The following SCUBE1 variants were observed in gnomAD, a reference collection of about 807,000 sequenced individuals.
SCUBE1 encodes signal peptide, CUB domain and EGF like domain containing 1.
Under a neutral mutation model 124.4 loss-of-function variants are expected in SCUBE1, and 59 were observed. The observed-to-expected ratio is 0.47, with a 90% CI of 0.38 to 0.59. The LOEUF (loss-of-function observed/expected upper bound fraction) is 0.59. Among genes scored for constraint, SCUBE1 ranks in the 20% least tolerant of loss-of-function variants. SCUBE1 has a pLI of 0.00. For synonymous variants in SCUBE1, 545 were observed against 550.9 expected (o/e 0.99, Z 0.15); for missense variants, 1,150 against 1,371.2 (o/e 0.84, Z 2.55).
intron 3 of SCUBE1, chr22:43,318,154 G>T (rs535225177): frequency 2.0e-5 from 3 of 152,296 alleles, no homozygotes; most frequent in Non-Finnish European, 4.4e-5. Flanking sequence ...ACTGATACAG[G>T]TTATTAGTAA....
intron 3 of SCUBE1, among the ~76,000 whole-genome samples, chr22:43,319,688 G>C (rs148758222): frequency 6.6e-6 from 1 of 151,994 alleles, no homozygotes; most frequent in African/African-American, 2.4e-5. Flanking sequence ...GCCTGACAGA[G>C]GAGCGGGCCC....
chr22:43,279,336 G>T (rs956555520), intron 4 of SCUBE1, among the ~76,000 whole-genome samples: 7 of 152,308 alleles, frequency 4.6e-5, no homozygotes, highest in African/African-American at 1.2e-4. Flanking sequence ...GACAGTGGCC[G>T]CCTCGGTGCA....
In SCUBE1 at chr22:43,335,979, G is replaced by T. The variant is rs529607909; in HGVS notation, c.220+3125C>A. On this transcript the variant is annotated intron_variant, in intron 2 of 21. Transcript: ENST00000360835. ...AATGATGATGGTGATGATGATGATG[G>T]TGATGATGATGATAATGATGATGGT... 5.9e-5 allele frequency among the ~76,000 whole-genome samples: 9 copies of T among 151,372 alleles called. No individual in the cohort carries two copies. The East Asian group carries it at 1.8e-3, about 29-fold the overall frequency.
intron 21 of SCUBE1, among the ~76,000 whole-genome samples, chr22:43,205,927 C>A (rs1266626074): frequency 8.0e-6 from 1 of 125,724 alleles, no homozygotes; most frequent in Non-Finnish European, 1.7e-5. Context: ...ACCACACACA[C>A]CCCTATATAC....
Position 43,251,988 on chromosome 22 carries a change from G to T in SCUBE1, c.727+6231C>A, listed in dbSNP as rs115484603. Among the ~76,000 whole-genome samples the T allele has an allele frequency of 8.3e-3, 1,271 of 152,302 alleles. 21 individuals carry two copies. Among genetic ancestry groups the T allele is most frequent in the African/African-American group, 0.03 (1,233 of 41,562 alleles). Reference sequence around the variant, plus strand: ...CAGCACCCCACGCTGGGTCCTCAGAGGTTTCATGTAAGTCTCCCAGATAAT... The same window carrying T: ...CAGCACCCCACGCTGGGTCCTCAGATGTTTCATGTAAGTCTCCCAGATAAT... On this transcript the variant is annotated intron_variant, in intron 6 of 21. Transcript: ENST00000360835.
chr22:43,299,957 T>C (rs1925705302), intron 3 of SCUBE1, among the ~76,000 whole-genome samples: 1 of 152,250 alleles, frequency 6.6e-6, no homozygotes, highest in African/African-American at 2.4e-5. Context: ...GACTCAGCAC[T>C]TCATTCCCTT....
At chr22:43,262,920 G>A in intron 4 of SCUBE1, 75 bp from the exon 5 acceptor site, 1 of 1,524,316 alleles carries the variant, frequency 6.6e-7, no homozygotes, top group South Asian at 1.1e-5. Flanking sequence ...GGCTGAAAGG[G>A]GATAGCCAAT....
chr22:43,232,656 TC>T (rs1436665707), intron 7 of SCUBE1: 1 of 152,212 alleles, frequency 6.6e-6, no homozygotes, highest in Non-Finnish European at 1.5e-5. Flanking sequence ...CCTGGCCCGA[TC>T]CCGTGTAATA....
At chr22:43,332,277 A>G (rs1174178433) in intron 2 of SCUBE1, among the ~76,000 whole-genome samples, 1 of 151,958 alleles carries the variant, frequency 6.6e-6, no homozygotes, top group Non-Finnish European at 1.5e-5. Flanking sequence ...ACAAAGCAAG[A>G]CTTCATCTCA....
chr22:43,329,507 C>G (rs892636628), intron 2 of SCUBE1, among the ~76,000 whole-genome samples: 1 of 152,278 alleles, frequency 6.6e-6, no homozygotes, highest in Non-Finnish European at 1.5e-5. Context: ...CATGGACACA[C>G]TCCCAGCTCC....
Position 43,223,151 on chromosome 22 carries a change from C to T in SCUBE1, c.1273G>A (p.Gly425Ser). The T allele has an allele frequency of 6.4e-7, 1 of 1,564,176 alleles. No individual in the cohort carries two copies. Among genetic ancestry groups the T allele is most frequent in the Non-Finnish European group, 8.6e-7 (1 of 1,164,470 alleles). ...GAAAGGAAGCAGCTCTCCACACCGC[C>T]TGCCTTGCTGCAGGACAGCTGGGCC... The part of the protein sequence containing the change: ...PRAQLSCSKA[G>S]GVESCFLSCP... The change falls in exon 11 of 22, where the codon GGC (glycine) becomes AGC (serine). Residue 425 changes from glycine to serine, a missense_variant. Around this residue, in one of 3 missense-constraint regions of SCUBE1, gnomAD observed 757 missense variants for 840.9 expected, o/e 0.90. Coordinates refer to ENST00000360835, the MANE Select transcript of SCUBE1 (RefSeq NM_173050.5).
intron 9 of SCUBE1, among the ~76,000 whole-genome samples, chr22:43,228,695 T>C (rs1013240969): frequency 2.0e-5 from 3 of 152,042 alleles, no homozygotes; most frequent in African/African-American, 4.8e-5. Context: ...GGATCCCGAA[T>C]TGCCCCTCTA....
rs1347687515 is a variant in SCUBE1, at chr22:43,227,494, C to T, written c.1087G>A (p.Val363Met). The T allele has an allele frequency of 6.2e-7, 1 of 1,611,672 alleles. No homozygotes were observed. Among genetic ancestry groups the T allele is most frequent in the Non-Finnish European group, 8.5e-7 (1 of 1,179,572 alleles). Residue 363 changes from valine (V) to methionine (M), a missense_variant and splice_region_variant, in exon 10 of 22, where the codon GTG becomes ATG. By Grantham distance (21) the Val-to-Met change is conservative (BLOSUM62 1). Transcript: ENST00000360835. ...ILYGTTHCGD[V>M]DECSMSNGSC... ...CCGTTGCTCATGCTGCACTCGTCCA[C>T]ATCTGGAAGCACAGCGGGCGTAAGG...
chr22:43,293,875 A>T (rs1025744406), intron 3 of SCUBE1, among the ~76,000 whole-genome samples: 1 of 152,202 alleles, frequency 6.6e-6, no homozygotes, highest in Non-Finnish European at 1.5e-5. Context: ...CCCTGTCACG[A>T]GGAAGCTCCC....
At chr22:43,281,534 CCTCAGTCA>C (rs1924889865) in intron 4 of SCUBE1, among the ~76,000 whole-genome samples, 2 of 75,556 alleles carry the variant, frequency 2.6e-5, no homozygotes, top group Admixed American at 1.4e-4. Flanking sequence ...CTGTCACCTC[CCTCAGTCA>C]CCCTCCTGTC....
At chr22:43,297,641 G>A (rs1465218351) in intron 3 of SCUBE1, among the ~76,000 whole-genome samples, 3 of 152,234 alleles carry the variant, frequency 2.0e-5, no homozygotes, top group Non-Finnish European at 4.4e-5. Flanking sequence ...CTTCCGAAAG[G>A]CCTCTGCAGG....
intron 13 of SCUBE1, 34 bp from the exon 14 acceptor site, chr22:43,220,621 G>T (rs182491094): frequency 6.2e-7 from 1 of 1,607,024 alleles, no homozygotes; most frequent in Non-Finnish European, 8.5e-7. Context: ...GGCAAAGGCG[G>T]CATGGGGCAG....
intron 6 of SCUBE1, among the ~76,000 whole-genome samples, chr22:43,239,469 T>C (rs1922911499): frequency 6.6e-6 from 1 of 152,274 alleles, no homozygotes; most frequent in African/African-American, 2.4e-5. Context: ...TCCATCACCT[T>C]GATGAGGCTT....
intron 6 of SCUBE1, among the ~76,000 whole-genome samples, chr22:43,246,297 C>T (rs1280645385): frequency 2.0e-5 from 3 of 152,092 alleles, no homozygotes; most frequent in Non-Finnish European, 4.4e-5. Context: ...TGGGGCCCAC[C>T]CACAGGAGGC....
Sources: gnomAD v4.1 joint callset for allele counts (sites outside exome capture counted in the v4.1 genomes callset) on GRCh38, gnomAD v4.1.1 for gene constraint, gnomAD v4.1.1 regional missense constraint, MANE v1.5 for transcripts, NCBI Gene and HGNC (gene_info 2026-07-23, HGNC 2026-07-21) for gene names.